The following HMGB1 variants were observed in gnomAD, a reference collection of about 807,000 sequenced individuals.
The protein encoded by HMGB1 is high mobility group box 1, also known as high mobility group protein B1.
For missense variants in HMGB1, 79 were observed against 253.5 expected, an observed-to-expected ratio of 0.31 and a Z score of 4.67; for synonymous variants, 81 against 84.0, an observed-to-expected ratio of 0.96 and a Z score of 0.19.
rs994687144 is a variant in HMGB1 at position 30,457,742 on chromosome 13, T to A, written c.*3615A>T. The A allele has an allele frequency of 2.0e-5, 3 of 152,206 alleles. No individual in the cohort carries two copies. Among genetic ancestry groups the A allele is most frequent in the Non-Finnish European group, 4.4e-5 (3 of 68,046 alleles). The allele number at this position is 152,206 out of a possible 1,614,324, so 9.4% of individuals were successfully genotyped here. On this transcript the variant is annotated 3_prime_UTR_variant, in exon 5 of 5. Transcript: ENST00000341423. Reference sequence around the variant, plus strand: ...CATGTTGTATGGTTATCTGTCATGATGTATCGTGAAACAAGCAATTCTATA... The same window carrying A: ...CATGTTGTATGGTTATCTGTCATGAAGTATCGTGAAACAAGCAATTCTATA...
intron 1 of HMGB1, among the ~76,000 whole-genome samples, chr13:30,572,563 ACTT>A (rs1197546313): frequency 1.3e-5 from 2 of 152,174 alleles, no homozygotes; most frequent in Non-Finnish European, 2.9e-5. Flanking sequence ...TCTGCCTTTT[ACTT>A]CTTAAGACAT....
chr13:30,566,478 G>A (rs1870191569), intron 1 of HMGB1, among the ~76,000 whole-genome samples: 1 of 152,192 alleles, frequency 6.6e-6, no homozygotes, highest in Non-Finnish European at 1.5e-5. Context: ...TGTGGACCCT[G>A]AAATTTGAAT....
At chr13:30,597,750 A>ATT (rs202084804) in intron 1 of HMGB1, among the ~76,000 whole-genome samples, 2 of 149,766 alleles carry the variant, frequency 1.3e-5, no homozygotes, top group African/African-American at 4.9e-5. Context: ...TTTCTGTTAC[A>ATT]TTTTTTTTTT....
chr13:30,462,059 G>A (rs575655769), intron 4 of HMGB1, among the ~76,000 whole-genome samples: 2 of 152,170 alleles, frequency 1.3e-5, no homozygotes, highest in Non-Finnish European at 2.9e-5. Flanking sequence ...AACTATAAGA[G>A]TTATAGATTT....
At chr13:30,496,925 G>A (rs867824202) in intron 1 of HMGB1, among the ~76,000 whole-genome samples, 16 of 152,008 alleles carry the variant, frequency 1.1e-4, no homozygotes, top group African/African-American at 3.9e-4. Context: ...CGTCATGCCC[G>A]GAGCCTCACA....
chr13:30,526,263 G>C (rs536596104), intron 1 of HMGB1, among the ~76,000 whole-genome samples: 4 of 151,456 alleles, frequency 2.6e-5, no homozygotes, highest in Admixed American at 2.6e-4. Context: ...CACCATGTTG[G>C]CCAGGCTGGT....
intron 1 of HMGB1, chr13:30,540,387 A>T (rs1868810562): frequency 6.3e-6 from 1 of 158,238 alleles, no homozygotes; most frequent in Non-Finnish European, 1.5e-5. Flanking sequence ...CCAGCATGCT[A>T]ATTAGACGTG....
intron 1 of HMGB1, among the ~76,000 whole-genome samples, chr13:30,521,448 T>A (rs1272768855): frequency 6.6e-6 from 1 of 152,214 alleles, no homozygotes; most frequent in South Asian, 2.1e-4. Context: ...ATTCTGGATA[T>A]TTTGTATAAG....
At position 30,458,252 on chromosome 13, in the gene HMGB1, G is replaced by C. The variant is rs1479599784; in HGVS notation, c.*3105C>G. 2.6e-5 allele frequency: 4 copies of C among 151,566 alleles called. No homozygotes were observed. The highest frequency in any genetic ancestry group is 5.9e-5 in the Non-Finnish European group (4 of 68,028). The allele number at this position is 151,566 out of a possible 1,614,324, so 9.4% of individuals were successfully genotyped here. On this transcript the variant is annotated 3_prime_UTR_variant, in exon 5 of 5. Transcript: ENST00000341423. ...TATTGTACCAAGCAGACCTAAATGT[G>C]AACTTTCATCAAGGACTATGTGATG... is the stretch of plus-strand genomic sequence containing the variant.
intron 1 of HMGB1, among the ~76,000 whole-genome samples, chr13:30,566,331 A>C (rs766702362): frequency 1.3e-5 from 2 of 152,194 alleles, no homozygotes. Context: ...TTTTTCTGTA[A>C]GGGGCCAGAG....
intron 1 of HMGB1, among the ~76,000 whole-genome samples, chr13:30,530,929 C>T (rs935920570): frequency 6.6e-6 from 1 of 152,120 alleles, no homozygotes; most frequent in East Asian, 1.9e-4. Context: ...TGTTTGTAGT[C>T]CCAGCTACTC....
rs1486859634 is a variant in HMGB1 at position 30,529,929 on chromosome 13, A to G, written c.-14-66235T>C. Among the ~76,000 whole-genome samples the G allele has an allele frequency of 2.0e-5, 3 of 152,292 alleles. No individual in the cohort carries two copies. In the East Asian group the frequency reaches 5.8e-4, roughly 29 times the overall value. On this transcript the variant is annotated intron_variant, in intron 1 of 4. Transcript: ENST00000405805. Reference sequence around the variant, plus strand: ...AACCAAACTCTAGGCCAGACTTCCAATTGGATTTGCAGAATGTGCATAACA... The same window carrying G: ...AACCAAACTCTAGGCCAGACTTCCAGTTGGATTTGCAGAATGTGCATAACA...
chr13:30,501,054 T>A (rs945643141), intron 1 of HMGB1, among the ~76,000 whole-genome samples: 2 of 152,158 alleles, frequency 1.3e-5, no homozygotes, highest in Non-Finnish European at 2.9e-5. Flanking sequence ...GAACTCCTCC[T>A]GAAGTGATCC....
chr13:30,569,944 C>T (rs1425082733), intron 1 of HMGB1, among the ~76,000 whole-genome samples: 1 of 152,190 alleles, frequency 6.6e-6, no homozygotes, highest in Non-Finnish European at 1.5e-5. Context: ...CAGCCAGCAG[C>T]AACAGTTCCC....
At chr13:30,518,995 A>AT (rs1888164289) in intron 1 of HMGB1, among the ~76,000 whole-genome samples, 2 of 151,634 alleles carry the variant, frequency 1.3e-5, no homozygotes, top group African/African-American at 4.9e-5. Flanking sequence ...AGGGGTTGGG[A>AT]TTATGGGTGT....
In HMGB1 at chr13:30,459,941, G is replaced by A. The variant is rs905870597; in HGVS notation, c.*1416C>T. ...GAAATTACATAAACAAATGCAAATG[G>A]AAAGAATCCAAGTCTAAATTATATA... is the stretch of plus-strand genomic sequence containing the variant. On this transcript the variant is annotated 3_prime_UTR_variant, in exon 5 of 5. Coordinates refer to ENST00000341423, the MANE Select transcript of HMGB1 (RefSeq NM_002128.7). 1.8e-4 allele frequency: 27 copies of A among 152,510 alleles called. No individual in the cohort carries two copies. Among genetic ancestry groups the A allele is most frequent in the African/African-American group, 5.6e-4 (23 of 41,404 alleles). The allele number at this position is 152,510 out of a possible 1,614,324, so 9.4% of individuals were successfully genotyped here. A position where few individuals can be genotyped will look rare whatever the true frequency, so the allele number is the denominator to read the frequency against.
chr13:30,570,461 T>G (rs185825329), intron 1 of HMGB1, among the ~76,000 whole-genome samples: 2 of 152,384 alleles, frequency 1.3e-5, no homozygotes, highest in Non-Finnish European at 2.9e-5. Flanking sequence ...TTTGAACTTC[T>G]GCATCTTTAT....
At chr13:30,554,383 AG>A in intron 1 of HMGB1, 1 of 836,214 alleles carries the variant, frequency 1.2e-6, no homozygotes. Flanking sequence ...TGATGGGAAA[AG>A]GAGATTATAT....
rs71093065 is a variant in HMGB1 at position 30,476,118 on chromosome 13, C to CTTTTTT, written c.-14-12430_-14-12425dup. Among the ~76,000 whole-genome samples, 4 of 109,494 alleles carry CTTTTTT rather than the reference C, an allele frequency of 3.7e-5. 1 individual carries two copies. Among genetic ancestry groups the CTTTTTT allele is most frequent in the Admixed American group, 2.0e-4 (2 of 10,252 alleles). The allele number at this position is 109,494 out of a possible 152,430, so 71.8% of individuals were successfully genotyped here. A position where few individuals can be genotyped will look rare whatever the true frequency, so the allele number is the denominator to read the frequency against. Reference sequence around the variant, plus strand: ...GTTGTGATATCGCAGGTGGCATGTACTTTTTTTTTTTTTTTTTTTTTGAGA... The same window carrying CTTTTTT: ...GTTGTGATATCGCAGGTGGCATGTACTTTTTTTTTTTTTTTTTTTTTTTTTTTGAGA... On this transcript the variant is annotated intron_variant, in intron 1 of 4. Transcript: ENST00000405805.
Sources: allele counts gnomAD v4.1 joint callset (sites outside exome capture counted in the v4.1 genomes callset), GRCh38; gene constraint gnomAD v4.1.1; transcripts MANE v1.5; gene names NCBI Gene and HGNC (gene_info 2026-07-23, HGNC 2026-07-21).